Variants in RABGAP1 observed in about 807,000 individuals in gnomAD.
RABGAP1 encodes RAB GTPase activating protein 1, also known as rab GTPase-activating protein 1.
Under a neutral mutation model 137.6 loss-of-function variants are expected in RABGAP1, and 23 were observed. That is an observed-to-expected ratio of 0.17 (90% confidence interval 0.12 to 0.24). The LOEUF is 0.24. RABGAP1 is among the 10% of genes least tolerant of loss of function. The pLI is 1.00. For missense variants in RABGAP1, 906 were observed against 1,275.8 expected (o/e 0.71, Z 4.42); for synonymous variants, 451 against 450.7 (o/e 1.00, Z -0.01).
In RABGAP1 at chr9:123,073,668, C is replaced by T; in HGVS notation, c.2100C>T (p.Arg700=). 1 of 1,613,730 alleles carries T rather than the reference C, an allele frequency of 6.2e-7. No individual in the cohort carries two copies. The highest frequency in any genetic ancestry group is 8.5e-7 in the Non-Finnish European group (1 of 1,179,776). Residue 700 remains arginine (R), a synonymous_variant, in exon 16 of 26, where the codon CGC becomes CGT. Coordinates refer to ENST00000373647, the MANE Select transcript of RABGAP1 (RefSeq NM_012197.4). The part of the protein sequence containing the change: ...DLHCKFYQLE[R]LMQEYIPDLY... ...ATTGCAAATTTTACCAGTTGGAGCGCCTCATGCAGGTAAAAAGAGAAACCA... is the reference window on the plus strand; with the variant it reads ...ATTGCAAATTTTACCAGTTGGAGCGTCTCATGCAGGTAAAAAGAGAAACCA...
At chr9:123,022,200 T>A (rs929564599) in intron 13 of RABGAP1, among the ~76,000 whole-genome samples, 6 of 152,226 alleles carry the variant, frequency 3.9e-5, no homozygotes, top group African/African-American at 1.4e-4. Context: ...AATATTTTGG[T>A]AAGACTATTC....
At chr9:123,094,340 G>A (rs1195591616) in intron 21 of RABGAP1, among the ~76,000 whole-genome samples, 3 of 152,172 alleles carry the variant, frequency 2.0e-5, no homozygotes, top group Non-Finnish European at 4.4e-5. Flanking sequence ...CGTAGAGTAG[G>A]TTGAGGAAAT....
chr9:123,081,005 C>G (rs928360097), intron 19 of RABGAP1, among the ~76,000 whole-genome samples: 48 of 152,108 alleles, frequency 3.2e-4, no homozygotes, highest in African/African-American at 1.1e-3. Flanking sequence ...ACCTTTGAGA[C>G]AGAAAGACCA....
intron 21 of RABGAP1, 133 bp downstream of exon 21, chr9:123,090,518 G>A (rs1444925502): frequency 1.2e-5 from 8 of 652,634 alleles, no homozygotes; most frequent in Admixed American, 3.3e-5. Context: ...CAACTTGCTT[G>A]TCAGTGTCAC....
chr9:122,995,912 C>T, intron 6 of RABGAP1, 129 bp from the exon 7 acceptor site: 4 of 1,426,760 alleles, frequency 2.8e-6, no homozygotes, highest in Middle Eastern at 2.3e-4. Context: ...TGATTTTTTT[C>T]TTTTTTGTTA....
At chr9:122,933,333 T>C in the RABGAP1 span, among the ~76,000 whole-genome samples, 1 of 152,020 alleles carries the variant, frequency 6.6e-6, no homozygotes, top group African/African-American at 2.4e-5. Flanking sequence ...ATAATGTCTT[T>C]GTCTCTTATA....
chr9:123,053,495 T>C (rs1406680960), intron 13 of RABGAP1, among the ~76,000 whole-genome samples: 2 of 152,210 alleles, frequency 1.3e-5, no homozygotes, highest in East Asian at 1.9e-4. Context: ...CCCATCTGTT[T>C]AGGGGATTTT....
chr9:122,936,519 A>G (rs1337189315), upstream of RABGAP1, among the ~76,000 whole-genome samples: 1 of 152,196 alleles, frequency 6.6e-6, no homozygotes, highest in African/African-American at 2.4e-5. Flanking sequence ...CTTTAGTGTG[A>G]TACCAGCTAC....
chr9:122,960,523 G>C (rs1834798890), intron 2 of RABGAP1, among the ~76,000 whole-genome samples: 1 of 152,198 alleles, frequency 6.6e-6, no homozygotes, highest in Admixed American at 6.5e-5. Context: ...CAATAAACAA[G>C]CATCAACAAT....
intron 10 of RABGAP1, among the ~76,000 whole-genome samples, chr9:123,002,358 A>T (rs561362967): frequency 0.027 from 860 of 31,966 alleles, 5 homozygotes; most frequent in Admixed American, 0.049. Flanking sequence ...TATTTTTATT[A>T]TATATATATA....
intron 8 of RABGAP1, 68 bp from the exon 9 acceptor site, chr9:122,997,191 G>GCAAGAT (rs1228226059): frequency 1.2e-4 from 149 of 1,221,150 alleles, no homozygotes; most frequent in South Asian, 3.2e-4. Context: ...TTTAAAGGCA[G>GCAAGAT]CAAGATGGGG....
At chr9:122,957,623 A>G (rs940808386) in intron 2 of RABGAP1, among the ~76,000 whole-genome samples, 19 of 150,964 alleles carry the variant, frequency 1.3e-4, no homozygotes, top group African/African-American at 4.4e-4. Flanking sequence ...TTTTTTTTTT[A>G]TAATTTCTCA....
chr9:123,069,389 A>G (rs940633022), intron 14 of RABGAP1, among the ~76,000 whole-genome samples: 3 of 152,164 alleles, frequency 2.0e-5, no homozygotes, highest in African/African-American at 7.2e-5. Flanking sequence ...GTTGAATAGA[A>G]CATCACCCTG....
intron 6 of RABGAP1, among the ~76,000 whole-genome samples, chr9:122,993,305 CTT>C (rs1045849682): frequency 2.6e-5 from 4 of 152,058 alleles, no homozygotes; most frequent in African/African-American, 9.6e-5. Flanking sequence ...AGTTTTTCCT[CTT>C]GTCACTCAGG....
At position 123,038,440 on chromosome 9, in the gene RABGAP1, G is replaced by A. The variant is rs192743515; in HGVS notation, c.1794+17981G>A. The stretch of plus-strand genomic sequence containing the variant: ...ATGAAGCAGCAGGGTTAGACTCCCA[G>A]ATGGCCCAGATGGTGGAGTGGTTTC... On this transcript the variant is annotated intron_variant, in intron 13 of 25. Transcript: ENST00000373647. 1.1e-4 allele frequency among the ~76,000 whole-genome samples: 17 copies of A among 152,242 alleles called. 1 individual carries two copies. In the East Asian group the frequency reaches 3.1e-3, roughly 28 times the overall value.
chr9:123,020,788 C>T (rs2031579257), intron 13 of RABGAP1: 1 of 431,930 alleles, frequency 2.3e-6, no homozygotes, highest in Non-Finnish European at 3.1e-6. Flanking sequence ...ATACTTCTCA[C>T]ATTTTACAGA....
At chr9:123,090,922 TACTACAG>T (rs1219814098) in intron 21 of RABGAP1, among the ~76,000 whole-genome samples, 3 of 152,236 alleles carry the variant, frequency 2.0e-5, no homozygotes, top group Admixed American at 6.5e-5. Flanking sequence ...CTATTTTCTG[TACTACAG>T]ACTAACCTTA....
intron 2 of RABGAP1, among the ~76,000 whole-genome samples, chr9:122,978,111 C>T (rs1835858114): frequency 6.6e-6 from 1 of 150,612 alleles, no homozygotes; most frequent in Non-Finnish European, 1.5e-5. Context: ...ATGTAACGAC[C>T]AGCACAGTCA....
At chr9:123,046,219 G>A (rs545210632) in intron 13 of RABGAP1, among the ~76,000 whole-genome samples, 18 of 152,298 alleles carry the variant, frequency 1.2e-4, no homozygotes, top group Admixed American at 2.6e-4. Flanking sequence ...ACTTCATCAA[G>A]GGAATAATAA....
Sources: gnomAD v4.1 joint callset for allele counts (sites outside exome capture counted in the v4.1 genomes callset) on GRCh38, gnomAD v4.1.1 for gene constraint, MANE v1.5 for transcripts, NCBI Gene and HGNC (gene_info 2026-07-23, HGNC 2026-07-21) for gene names.